Variants in ROBO2 observed in about 807,000 individuals in gnomAD.
The protein encoded by ROBO2 is roundabout guidance receptor 2.
In ROBO2, 53 loss-of-function variants were observed where a neutral mutation model predicts 160.8. That is an observed-to-expected ratio of 0.33 (90% confidence interval 0.26 to 0.41). The LOEUF (loss-of-function observed/expected upper bound fraction) is 0.41, where lower values mean the gene tolerates loss of function less well. Ranked by LOEUF, ROBO2 falls within the 10% of genes least tolerant of loss-of-function variation. The pLI, the probability that ROBO2 is intolerant of heterozygous loss-of-function variation, is 1.00. For synonymous variants in ROBO2, 664 were observed against 611.7 expected (o/e 1.09, Z -1.26); for missense variants, 1,577 against 1,722.4 (o/e 0.92, Z 1.49).
At chr3:76,881,797 G>A (rs1300806833) in intron 2 of ROBO2, among the ~76,000 whole-genome samples, 3 of 152,188 alleles carry the variant, frequency 2.0e-5, no homozygotes, top group Non-Finnish European at 4.4e-5. Context: ...TATGGCCTTG[G>A]CTATGGCAGA....
At chr3:76,832,960 A>C (rs1469795152) in intron 2 of ROBO2, among the ~76,000 whole-genome samples, 1 of 152,204 alleles carries the variant, frequency 6.6e-6, no homozygotes, top group African/African-American at 2.4e-5. Context: ...TTAGACTCAT[A>C]CAAGTCCAGG....
intron 2 of ROBO2, among the ~76,000 whole-genome samples, chr3:76,259,482 C>A (rs1706605590): frequency 6.6e-6 from 1 of 152,074 alleles, no homozygotes; most frequent in Non-Finnish European, 1.5e-5. Flanking sequence ...AGAGTCAGTT[C>A]TATATAGATT....
intron 2 of ROBO2, among the ~76,000 whole-genome samples, chr3:77,102,499 T>C (rs1199194808): frequency 6.6e-6 from 1 of 152,208 alleles, no homozygotes; most frequent in Non-Finnish European, 1.5e-5. Flanking sequence ...AAGAATGTAT[T>C]GATATGTAGG....
chr3:76,500,602 C>T (rs994267929), intron 2 of ROBO2, among the ~76,000 whole-genome samples: 1 of 152,058 alleles, frequency 6.6e-6, no homozygotes, highest in Non-Finnish European at 1.5e-5. Flanking sequence ...AAGGGGGTAC[C>T]ACATTTGTCA....
intron 2 of ROBO2, among the ~76,000 whole-genome samples, chr3:76,786,974 C>T (rs1479024907): frequency 1.3e-5 from 2 of 151,244 alleles, no homozygotes; most frequent in Non-Finnish European, 3.0e-5. Flanking sequence ...ACAATCATGG[C>T]AGAAGATTGA....
At chr3:76,287,587 G>A (rs531815229) in intron 2 of ROBO2, among the ~76,000 whole-genome samples, 232 of 152,154 alleles carry the variant, frequency 1.5e-3, no homozygotes, top group Middle Eastern at 0.014. Context: ...GGCATGAGCC[G>A]CCGTGCCCGG....
In ROBO2 at chr3:77,617,691, C is replaced by G. The variant is rs747971442; in HGVS notation, c.3472C>G (p.Arg1158Gly). 1.9e-6 allele frequency: 3 copies of G among 1,613,914 alleles called. No individual in the cohort carries two copies. In the African/African-American group the frequency reaches 4.0e-5, roughly 22 times the overall value. The change falls in exon 22 of 26, where the codon CGG becomes GGG. Residue 1158 changes from arginine to glycine, a missense_variant. Physicochemically the swap from Arg to Gly is moderately radical, Grantham distance 125. This residue lies in a region of ROBO2 where 637 missense variants were observed against 586.9 expected (regional missense o/e 1.09). Transcript: ENST00000461745. Reference sequence around the variant, plus strand: ...CACTGCAACTCTTACTCCATCCCCACGGGAAGAGATGCAACCCATGCTGCA... The same window carrying G: ...CACTGCAACTCTTACTCCATCCCCAGGGGAAGAGATGCAACCCATGCTGCA...
chr3:76,256,430 G>A (rs1706392218), intron 2 of ROBO2, among the ~76,000 whole-genome samples: 1 of 151,150 alleles, frequency 6.6e-6, no homozygotes, highest in Non-Finnish European at 1.5e-5. Context: ...AGTTAGGCCA[G>A]GTGCAATGGC....
chr3:77,280,377 T>C (rs939188229), intron 2 of ROBO2, among the ~76,000 whole-genome samples: 5 of 152,172 alleles, frequency 3.3e-5, no homozygotes, highest in Non-Finnish European at 5.9e-5. Context: ...GGTTGATAAA[T>C]ATGTGAATTC....
intron 2 of ROBO2, among the ~76,000 whole-genome samples, chr3:77,420,074 A>T (rs2077576857): frequency 1.3e-5 from 2 of 152,166 alleles, no homozygotes; most frequent in African/African-American, 4.8e-5. Flanking sequence ...GTGAGTATTC[A>T]TAACATTCCC....
At chr3:76,229,349 G>A (rs1467160829) in intron 2 of ROBO2, among the ~76,000 whole-genome samples, 1 of 151,828 alleles carries the variant, frequency 6.6e-6, no homozygotes, top group Non-Finnish European at 1.5e-5. Context: ...AACTAGACCA[G>A]TTTAGTTTAA....
intron 2 of ROBO2, among the ~76,000 whole-genome samples, chr3:77,277,157 C>CTTCTTTCTTTCTTTCTTTCTTTCTTCT (rs2059895964): frequency 1.1e-4 from 10 of 88,214 alleles, no homozygotes; most frequent in African/African-American, 4.4e-4. Flanking sequence ...TCCTTCTTTC[C>CTTCTTTCTTTCTTTCTTTCTTTCTTCT]TTCTTTCTTT....
chr3:76,390,330 T>C (rs1359795530), intron 2 of ROBO2, among the ~76,000 whole-genome samples: 2 of 152,144 alleles, frequency 1.3e-5, no homozygotes, highest in Non-Finnish European at 2.9e-5. Context: ...TATTCAAAAG[T>C]TTAGTTAATA....
Position 77,580,233 on chromosome 3 carries a change from A to G in ROBO2, c.2500+115A>G, listed in dbSNP as rs191782447. 1.7e-3 allele frequency: 1,593 copies of G among 958,670 alleles called. 7 individuals carry two copies. Among genetic ancestry groups the G allele is most frequent in the Non-Finnish European group, 1.5e-3 (901 of 598,902 alleles). The allele number at this position is 958,670 out of a possible 1,614,324, so 59.4% of individuals were successfully genotyped here. A position where few individuals can be genotyped will look rare whatever the true frequency, so the allele number is the denominator to read the frequency against. On this transcript the variant is annotated intron_variant, in intron 16 of 25. Transcript: ENST00000461745. ...TACACTTATGAATGATAGGGTACACATATCATATTGACAAATGGGTTAACT... is the reference window on the plus strand; with the variant it reads ...TACACTTATGAATGATAGGGTACACGTATCATATTGACAAATGGGTTAACT...
At chr3:76,328,196 A>C (rs949022285) in intron 2 of ROBO2, among the ~76,000 whole-genome samples, 3 of 152,236 alleles carry the variant, frequency 2.0e-5, no homozygotes, top group Non-Finnish European at 2.9e-5. Context: ...AAGTTTGAGC[A>C]GAGCACAATC....
chr3:76,597,245 G>T (rs991214463), intron 2 of ROBO2, among the ~76,000 whole-genome samples: 6 of 151,728 alleles, frequency 4.0e-5, no homozygotes, highest in Admixed American at 6.6e-5. Context: ...ATTCATAAAA[G>T]AAAAAATTAA....
chr3:77,364,866 T>A (rs759400310), intron 2 of ROBO2, among the ~76,000 whole-genome samples: 3 of 152,160 alleles, frequency 2.0e-5, no homozygotes, highest in Non-Finnish European at 2.9e-5. Flanking sequence ...TTCATATGCA[T>A]GCAGGAGGCA....
chr3:76,053,125 C>T (rs536111981), intron 2 of ROBO2, among the ~76,000 whole-genome samples: 1 of 152,118 alleles, frequency 6.6e-6, no homozygotes, highest in South Asian at 2.1e-4. Context: ...AATATCATAA[C>T]AAAGATGTTG....
intron 2 of ROBO2, among the ~76,000 whole-genome samples, chr3:75,945,577 T>G (rs1336474015): frequency 1.3e-5 from 2 of 150,138 alleles, no homozygotes; most frequent in Non-Finnish European, 2.9e-5. Flanking sequence ...TAATTTTGCT[T>G]TATTCTCTTG....
Sources: allele counts gnomAD v4.1 joint callset (sites outside exome capture counted in the v4.1 genomes callset), GRCh38; gene constraint gnomAD v4.1.1; regional missense constraint gnomAD v4.1.1; transcripts MANE v1.5; gene names NCBI Gene and HGNC (gene_info 2026-07-23, HGNC 2026-07-21).